The following RANBP2 variants were observed in gnomAD, a reference collection of about 807,000 sequenced individuals.
RANBP2 encodes the protein E3 SUMO-protein ligase RanBP2.
In RANBP2, 57 loss-of-function variants were observed where a neutral mutation model predicts 303.6. The observed-to-expected ratio is 0.19, with a 90% confidence interval of 0.15 to 0.23. The LOEUF (loss-of-function observed/expected upper bound fraction) is 0.23. Among genes scored for constraint, RANBP2 ranks in the 10% least tolerant of loss-of-function variants. The pLI, the probability that RANBP2 is intolerant of heterozygous loss-of-function variation, is 1.00. For missense variants in RANBP2, 3,138 were observed against 3,780.8 expected (o/e 0.83, Z 4.46); for synonymous variants, 1,167 against 1,301.5 (o/e 0.90, Z 2.23).
chr2:109,207,536 C>T, the RANBP2 span, among the ~76,000 whole-genome samples: 1 of 152,108 alleles, frequency 6.6e-6, no homozygotes, highest in Admixed American at 6.5e-5. Context: ...CATGGTAAAA[C>T]AGTGTTTCTC....
rs181182335 is a variant in RANBP2, at chr2:108,732,426, A to G, written c.405+952A>G. Among the ~76,000 whole-genome samples, 57 of 152,270 alleles carry G rather than the reference A, an allele frequency of 3.7e-4. No individual in the cohort carries two copies. In the East Asian group the frequency reaches 9.5e-3, roughly 25 times the overall value. The stretch of plus-strand genomic sequence containing the variant: ...TGGATTTCAGATTTTCAGATTTGGG[A>G]TGCTCTACCTGCTAAGTATCCTGCA... On this transcript the variant is annotated intron_variant, in intron 4 of 28. Transcript: ENST00000283195.
the RANBP2 span, among the ~76,000 whole-genome samples, chr2:109,581,824 G>C: frequency 6.6e-6 from 1 of 152,184 alleles, no homozygotes; most frequent in Admixed American, 6.5e-5. Context: ...GTCCTGGCCA[G>C]AGAAGTCAGG....
At chr2:108,981,368 A>G in the RANBP2 span, among the ~76,000 whole-genome samples, 1 of 152,234 alleles carries the variant, frequency 6.6e-6, no homozygotes, top group East Asian at 1.9e-4. Flanking sequence ...TCAGGGAAGA[A>G]GAAAGGCTCC....
the RANBP2 span, among the ~76,000 whole-genome samples, chr2:109,413,419 G>A: frequency 6.6e-6 from 1 of 152,154 alleles, no homozygotes; most frequent in East Asian, 1.9e-4. Flanking sequence ...AGGCCTGTCT[G>A]GTTATTTTAG....
the RANBP2 span, chr2:109,585,122 A>C: frequency 1.3e-6 from 2 of 1,537,920 alleles, no homozygotes; most frequent in South Asian, 1.3e-5. Context: ...AAGAAAACAC[A>C]TACCTCTCTT....
At chr2:109,623,950 T>A in the RANBP2 span, among the ~76,000 whole-genome samples, 130 of 152,108 alleles carry the variant, frequency 8.5e-4, 1 homozygote, top group Non-Finnish European at 1.3e-3. Context: ...AACACAGGGG[T>A]CTTCCCCTAT....
At chr2:108,996,331 GCA>G in the RANBP2 span, among the ~76,000 whole-genome samples, 5 of 152,280 alleles carry the variant, frequency 3.3e-5, no homozygotes, top group African/African-American at 9.6e-5. Flanking sequence ...TTTAAGTCCA[GCA>G]CAGTTTCTCA....
the RANBP2 span, among the ~76,000 whole-genome samples, chr2:109,132,845 T>C: frequency 6.6e-6 from 1 of 152,252 alleles, no homozygotes; most frequent in East Asian, 1.9e-4. Flanking sequence ...TTCAGTGCAG[T>C]GGGAGTCTTG....
At chr2:109,276,991 G>C in the RANBP2 span, among the ~76,000 whole-genome samples, 1 of 152,132 alleles carries the variant, frequency 6.6e-6, no homozygotes, top group East Asian at 1.9e-4. Context: ...AGGAGCAGTG[G>C]GCAAATGGAC....
chr2:108,803,515 G>A, the RANBP2 span, among the ~76,000 whole-genome samples: 1 of 152,130 alleles, frequency 6.6e-6, no homozygotes, highest in East Asian at 1.9e-4. Context: ...ATGCACAGAC[G>A]TCATCATAGC....
the RANBP2 span, among the ~76,000 whole-genome samples, chr2:109,695,267 A>G: frequency 3.9e-5 from 6 of 152,100 alleles, no homozygotes; most frequent in Admixed American, 3.3e-4. Flanking sequence ...TTCCAACATG[A>G]GATTCATCTT....
the RANBP2 span, among the ~76,000 whole-genome samples, chr2:109,701,933 T>A: frequency 6.6e-6 from 1 of 152,232 alleles, no homozygotes. Context: ...TATACTTGTG[T>A]GCTGTTTCAC....
chr2:109,130,975 GT>G, the RANBP2 span, among the ~76,000 whole-genome samples: 2 of 152,066 alleles, frequency 1.3e-5, no homozygotes, highest in Non-Finnish European at 2.9e-5. Context: ...CCCGGGTTTT[GT>G]TAATTTCTTT....
chr2:108,742,932 G>A (rs13384443), intron 7 of RANBP2, among the ~76,000 whole-genome samples: 14,317 of 151,848 alleles, frequency 0.094, 2,263 homozygotes, highest in African/African-American at 0.32. Flanking sequence ...GGGACTACAG[G>A]CACCCACCAC....
At chr2:109,111,744 T>C in the RANBP2 span, among the ~76,000 whole-genome samples, 1 of 151,028 alleles carries the variant, frequency 6.6e-6, no homozygotes, top group South Asian at 2.1e-4. Flanking sequence ...AACTCGTCAT[T>C]TAGCATTAGG....
the RANBP2 span, among the ~76,000 whole-genome samples, chr2:109,760,088 G>C: frequency 7.3e-6 from 1 of 136,126 alleles, no homozygotes; most frequent in Non-Finnish European, 1.5e-5. Flanking sequence ...TGTTTCCACA[G>C]ACTTCTGAAT....
At chr2:109,075,756 T>C in the RANBP2 span, among the ~76,000 whole-genome samples, 2 of 150,396 alleles carry the variant, frequency 1.3e-5, no homozygotes, top group Non-Finnish European at 3.0e-5. Context: ...GCATGCAACC[T>C]ACCAAGACTT....
At chr2:109,621,007 C>G in the RANBP2 span, among the ~76,000 whole-genome samples, 1 of 152,178 alleles carries the variant, frequency 6.6e-6, no homozygotes, top group African/African-American at 2.4e-5. Flanking sequence ...TTAAAGCACA[C>G]TTGTGACCAG....
the RANBP2 span, chr2:109,449,595 G>T: frequency 2.2e-6 from 3 of 1,369,486 alleles, no homozygotes; most frequent in Admixed American, 7.4e-5. Context: ...CTAGAATGTG[G>T]GCTCCAAGTG....
Sources: allele counts gnomAD v4.1 joint callset (sites outside exome capture counted in the v4.1 genomes callset), GRCh38; gene constraint gnomAD v4.1.1; transcripts MANE v1.5; gene names NCBI Gene and HGNC (gene_info 2026-07-23, HGNC 2026-07-21).